Variants in LINGO3 observed in about 807,000 individuals in gnomAD.
The protein encoded by LINGO3 is leucine-rich repeat and immunoglobulin-like domain-containing nogo receptor-interacting protein 3.
For missense variants in LINGO3, 750 were observed against 867.7 expected, an observed-to-expected ratio of 0.86 and a Z score of 1.70; for synonymous variants, 427 against 444.2, an observed-to-expected ratio of 0.96 and a Z score of 0.49.
the LINGO3 span, among the ~76,000 whole-genome samples, chr19:2,302,255 T>C: frequency 6.6e-6 from 1 of 151,506 alleles, no homozygotes; most frequent in Non-Finnish European, 1.5e-5. Flanking sequence ...AGAGACAGGG[T>C]TTTGCCATGT....
chr19:2,296,246 G>A (rs139470769), upstream of LINGO3, among the ~76,000 whole-genome samples: 610 of 152,146 alleles, frequency 4.0e-3, 5 homozygotes, highest in African/African-American at 0.014. Context: ...CCCCCTTACT[G>A]TCCGCTCCAC....
chr19:2,298,835 G>A, the LINGO3 span, among the ~76,000 whole-genome samples: 3 of 152,076 alleles, frequency 2.0e-5, no homozygotes, highest in African/African-American at 4.8e-5. Flanking sequence ...CACCGCACCC[G>A]GCCCAAGAAA....
chr19:2,302,567 CA>C, the LINGO3 span, among the ~76,000 whole-genome samples: 1 of 152,182 alleles, frequency 6.6e-6, no homozygotes, highest in African/African-American at 2.4e-5. Context: ...CCCTCCCCAG[CA>C]AGGGGCACGT....
At chr19:2,303,301 C>A in the LINGO3 span, among the ~76,000 whole-genome samples, 5 of 152,066 alleles carry the variant, frequency 3.3e-5, no homozygotes, top group African/African-American at 4.8e-5. Context: ...TGCAGCCCAG[C>A]TAATGAGCAG....
rs1242676880 is a variant in LINGO3, at chr19:2,290,484, G to A, written c.1293C>T (p.Ala431=). The A allele has an allele frequency of 1.4e-6, 2 of 1,474,516 alleles. No homozygotes were observed. Among genetic ancestry groups the A allele is most frequent in the South Asian group, 1.3e-5 (1 of 75,812 alleles). The allele number at this position is 1,474,516 out of a possible 1,614,324, so 91.3% of individuals were successfully genotyped here. Reference sequence around the variant, plus strand: ...CCACGGTGGGCGCCGGCTCGCCCTCGGCGCGGCAGAGGAAGCGGACGTCTT... The same window carrying A: ...CCACGGTGGGCGCCGGCTCGCCCTCAGCGCGGCAGAGGAAGCGGACGTCTT... The change falls in exon 1 of 1, where the codon GCC becomes GCT. Residue 431 remains alanine (A), a synonymous_variant. Coordinates refer to ENST00000585527, the Ensembl canonical transcript of LINGO3. The surrounding 1 kb of genome is among the most constrained non-coding windows in gnomAD (Gnocchi z 6.0).
the LINGO3 span, among the ~76,000 whole-genome samples, chr19:2,305,227 T>TC: frequency 1.6e-4 from 24 of 151,850 alleles, no homozygotes; most frequent in African/African-American, 5.8e-4. Flanking sequence ...CTCCTTGGGG[T>TC]CTGAGATCTG....
the LINGO3 span, among the ~76,000 whole-genome samples, chr19:2,307,985 G>C: frequency 6.6e-6 from 1 of 151,762 alleles, no homozygotes; most frequent in African/African-American, 2.4e-5. Context: ...TCGCGGGTTG[G>C]GGGCTTTGGG....
In LINGO3 at chr19:2,290,258, G is replaced by A. The variant is rs771646724; in HGVS notation, c.1519C>T (p.Pro507Ser). Residue 507 changes from proline (P) to serine (S), a missense_variant, in exon 1 of 1, where the codon CCG (proline) becomes TCG (serine). Pro to Ser is a moderately conservative substitution (Grantham distance 74). Coordinates refer to ENST00000585527, the Ensembl canonical transcript of LINGO3. The surrounding 1 kb of genome is among the most constrained non-coding windows in gnomAD (Gnocchi z 6.0). ...AGCGTCTCGTTGTGGGCCTCGCCCG[G>A]GGTCCGGTTGGCGGCCGGCTCGGGG... 38 of 1,600,470 alleles carry A rather than the reference G, an allele frequency of 2.4e-5. No homozygotes were observed. The highest frequency in any genetic ancestry group is 3.1e-5 in the Non-Finnish European group (37 of 1,177,048).
exon 1 of LINGO3, chr19:2,291,693 G>T: frequency 7.5e-7 from 1 of 1,339,064 alleles, no homozygotes; most frequent in South Asian, 1.8e-5. Context: ...TGCACTCGCA[G>T]CGGGCCGGGC....
At chr19:2,304,958 C>T in the LINGO3 span, among the ~76,000 whole-genome samples, 3 of 152,174 alleles carry the variant, frequency 2.0e-5, no homozygotes, top group South Asian at 6.2e-4. Context: ...ATCTGCCTGC[C>T]TCGGCCTTCC....
chr19:2,300,833 G>A, the LINGO3 span, among the ~76,000 whole-genome samples: 1 of 152,182 alleles, frequency 6.6e-6, no homozygotes, highest in Non-Finnish European at 1.5e-5. Context: ...ACTGGAGTAG[G>A]GGGAGGATCA....
rs373660557 is a variant in LINGO3, at chr19:2,290,816, G to A, written c.961C>T (p.Arg321Cys). 9 of 1,612,420 alleles carry A rather than the reference G, an allele frequency of 5.6e-6. No individual in the cohort carries two copies. The highest frequency in any genetic ancestry group is 5.3e-5 in the African/African-American group (4 of 74,922). ...AGGTTGTTGGAGAGGTTGAGCAGGC[G>A]GATCTGGCGCAGGCCCAGGAAGGCC... Residue 321 changes from arginine (R) to cysteine (C), a missense_variant, in exon 1 of 1, where the codon CGC (arginine) becomes TGC (cysteine). Transcript: ENST00000585527. This position sits in a 1 kb window ranked among gnomAD's most constrained non-coding sequence, Gnocchi z 6.0.
the LINGO3 span, among the ~76,000 whole-genome samples, chr19:2,306,304 A>G: frequency 3.3e-5 from 5 of 152,076 alleles, no homozygotes; most frequent in Non-Finnish European, 5.9e-5. Flanking sequence ...GCTCCCCACT[A>G]GAGGGTGAAG....
chr19:2,293,454 G>C (rs1283838096), upstream of LINGO3, among the ~76,000 whole-genome samples: 19 of 151,414 alleles, frequency 1.3e-4, no homozygotes, highest in Admixed American at 1.3e-3. Flanking sequence ...CCCTCCCCAG[G>C]GTTTAAGTGA....
chr19:2,299,035 G>A, the LINGO3 span, among the ~76,000 whole-genome samples: 1 of 152,182 alleles, frequency 6.6e-6, no homozygotes, highest in African/African-American at 2.4e-5. Context: ...GACCTCGCCT[G>A]TCACGGTATA....
In LINGO3 at chr19:2,290,531, G is replaced by T; in HGVS notation, c.1246C>A (p.Arg416Ser). The stretch of plus-strand genomic sequence containing the variant: ...TCTTCGCCCGCGGTGGCCGTGACGC[G>T]CTGCAGCCGCCGCTCCCGGATCTTG... The change falls in exon 1 of 1, where the codon CGC becomes AGC. Residue 416 changes from arginine to serine, a missense_variant. Transcript: ENST00000585527. The surrounding 1 kb of genome is among the most constrained non-coding windows in gnomAD (Gnocchi z 6.0). 1.3e-6 allele frequency: 2 copies of T among 1,514,906 alleles called. No individual in the cohort carries two copies. The highest frequency in any genetic ancestry group is 1.8e-6 in the Non-Finnish European group (2 of 1,135,954). 93.8% of individuals were successfully genotyped at this position (1,514,906 alleles called of 1,614,324 possible).
chr19:2,307,946 G>A, the LINGO3 span, among the ~76,000 whole-genome samples: 6 of 152,188 alleles, frequency 3.9e-5, no homozygotes, highest in South Asian at 2.1e-4. Context: ...AGGGGTGCGC[G>A]GGGCAATTTC....
At chr19:2,302,037 TTTTA>T in the LINGO3 span, among the ~76,000 whole-genome samples, 2 of 149,926 alleles carry the variant, frequency 1.3e-5, no homozygotes, top group African/African-American at 4.9e-5. Context: ...GTTCTTTTAT[TTTTA>T]TTTATTTATT....
At chr19:2,292,238 T>TA (rs1392340737), upstream of LINGO3, among the ~76,000 whole-genome samples, 1 of 144,040 alleles carries the variant, frequency 6.9e-6, no homozygotes, top group Non-Finnish European at 1.5e-5. Context: ...AATTGTGAAA[T>TA]ATTGAAAAGT....
Sources: allele counts gnomAD v4.1 joint callset (sites outside exome capture counted in the v4.1 genomes callset), GRCh38; gene constraint gnomAD v4.1.1; non-coding constraint Gnocchi (gnomAD v3.1); transcripts MANE v1.5; gene names NCBI Gene and HGNC (gene_info 2026-07-23, HGNC 2026-07-21).